Variants in SLC26A8 observed in about 807,000 individuals in gnomAD.
The protein encoded by SLC26A8 is testis anion transporter 1.
Under a neutral mutation model 105.0 loss-of-function variants are expected in SLC26A8, and 70 were observed. That is an observed-to-expected ratio of 0.67 (90% CI 0.55 to 0.81). The LOEUF (loss-of-function observed/expected upper bound fraction) is 0.81. SLC26A8 is among the 40% of genes least tolerant of loss of function. SLC26A8 has a pLI of 0.00. For missense variants in SLC26A8, 998 were observed against 1,181.8 expected (o/e 0.84, Z 2.28); for synonymous variants, 415 against 438.3 (o/e 0.95, Z 0.66).
At chr6:35,996,777 A>G (rs183739736) in intron 5 of SLC26A8, among the ~76,000 whole-genome samples, 7 of 152,246 alleles carry the variant, frequency 4.6e-5, no homozygotes, top group African/African-American at 9.6e-5. Flanking sequence ...GCTCACACCT[A>G]TAATCCCAAC....
At chr6:35,994,698 C>G (rs1157023839) in intron 5 of SLC26A8, among the ~76,000 whole-genome samples, 1 of 151,944 alleles carries the variant, frequency 6.6e-6, no homozygotes, top group Admixed American at 6.6e-5. Flanking sequence ...ACCTCAGCCT[C>G]CCGAGTAGCT....
chr6:36,000,026 A>G lies in SLC26A8; in HGVS notation c.411T>C (p.Tyr137=), dbSNP rs749395872. Residue 137 remains tyrosine (Y), a synonymous_variant, in exon 4 of 20, where the codon TAT becomes TAC. Transcript: ENST00000490799. ...AYAAFCSSVI[Y]VIFGSCHQMS... ...TTTGATGACACGATCCAAAAATTAC[A>G]TAGATTACCGAAGAACAGAAAGCTG... 3.1e-6 allele frequency: 5 copies of G among 1,613,960 alleles called. No individual in the cohort carries two copies. The highest frequency in any genetic ancestry group is 1.3e-5 in the African/African-American group (1 of 74,932).
Position 35,951,505 on chromosome 6 carries a change from G to A in SLC26A8, c.2233-6C>T, listed in dbSNP as rs1771872452. ...TTTTGAAAGGCATTGCATATCTGTG[G>A]GGGGAGAGAAAACCAGTATCAGAAG... On this transcript the variant is annotated splice_region_variant and splice_polypyrimidine_tract_variant and intron_variant, in intron 17 of 19. Coordinates refer to ENST00000490799, the MANE Select transcript of SLC26A8 (RefSeq NM_052961.4). The A allele has an allele frequency of 6.2e-7, 1 of 1,613,922 alleles. No homozygotes were observed. The highest frequency in any genetic ancestry group is 1.3e-5 in the African/African-American group (1 of 74,896).
chr6:36,022,071 G>A (rs759981808), intron 1 of SLC26A8, among the ~76,000 whole-genome samples: 6 of 152,118 alleles, frequency 3.9e-5, no homozygotes, highest in African/African-American at 9.7e-5. Flanking sequence ...AGGTTCAAGC[G>A]ATTCTCCTGC....
chr6:35,955,582 C>A, intron 16 of SLC26A8, 62 bp from the exon 17 acceptor site: 1 of 1,568,874 alleles, frequency 6.4e-7, no homozygotes. Context: ...GAAGGACTTG[C>A]AACGATGCTA....
At chr6:36,024,389 T>A (rs1437116723) in intron 1 of SLC26A8, 115 bp downstream of exon 1, 1 of 446,656 alleles carries the variant, frequency 2.2e-6, no homozygotes, top group Non-Finnish European at 4.5e-6. Context: ...ACTGACTGAG[T>A]GCCCACGGCG....
rs1772672735 is a variant in SLC26A8, at chr6:35,968,957, G to A, written c.1288-3C>T. 6.2e-7 allele frequency: 1 copy of A among 1,611,336 alleles called. No homozygotes were observed. The highest frequency in any genetic ancestry group is 8.5e-7 in the Non-Finnish European group (1 of 1,178,800). ...CCTGCGCCTACCAGAGATGCAAACT[G>A]AGGAGACAGAGCCAGTTGGAGAGAA... On this transcript the variant is annotated splice_region_variant and splice_polypyrimidine_tract_variant and intron_variant, in intron 10 of 19. Coordinates refer to ENST00000490799, the MANE Select transcript of SLC26A8 (RefSeq NM_052961.4).
At chr6:35,983,174 AC>A (rs1453324636) in intron 7 of SLC26A8, among the ~76,000 whole-genome samples, 1 of 152,180 alleles carries the variant, frequency 6.6e-6, no homozygotes, top group Non-Finnish European at 1.5e-5. Flanking sequence ...TCAGATGAAG[AC>A]CCCTAGGAAG....
In SLC26A8 at chr6:35,955,352, C is replaced by T. The variant is rs1772017796; in HGVS notation, c.2032G>A (p.Glu678Lys). The T allele has an allele frequency of 1.9e-6, 3 of 1,614,094 alleles. No homozygotes were observed. The highest frequency in any genetic ancestry group is 2.5e-6 in the Non-Finnish European group (3 of 1,180,050). The change falls in exon 17 of 20, where the codon GAG becomes AAG. Residue 678 changes from glutamate (E) to lysine (K), a missense_variant. By Grantham distance (56) the Glu-to-Lys change is moderately conservative. Transcript: ENST00000490799. ...VSQKNQGQQY[E>K]EVEEVWLPNN... ...GGAAGCCAAACTTCCTCCACCTCCTCATACTGTTGCCCTTGATTTTTCTGA... is the reference window on the plus strand; with the variant it reads ...GGAAGCCAAACTTCCTCCACCTCCTTATACTGTTGCCCTTGATTTTTCTGA...
intron 5 of SLC26A8, among the ~76,000 whole-genome samples, chr6:35,992,929 T>C (rs1309268112): frequency 6.6e-6 from 1 of 152,146 alleles, no homozygotes; most frequent in Non-Finnish European, 1.5e-5. Flanking sequence ...CTTAAGTTCT[T>C]GCCCTAGAAT....
At chr6:36,011,633 G>T (rs1404458217) in intron 3 of SLC26A8, among the ~76,000 whole-genome samples, 1 of 151,968 alleles carries the variant, frequency 6.6e-6, no homozygotes, top group African/African-American at 2.4e-5. Flanking sequence ...TCTGAGACAG[G>T]GTCTTGCTTT....
At chr6:35,974,913 T>C (rs1263511340) in intron 10 of SLC26A8, among the ~76,000 whole-genome samples, 1 of 151,868 alleles carries the variant, frequency 6.6e-6, no homozygotes, top group East Asian at 1.9e-4. Flanking sequence ...ATTGTTTTTT[T>C]TTTTTTCTTT....
chr6:35,956,418 AC>A (rs1562020375), intron 16 of SLC26A8, among the ~76,000 whole-genome samples: 2 of 126,542 alleles, frequency 1.6e-5, no homozygotes, highest in African/African-American at 6.1e-5. Flanking sequence ...ACAGAGCAAG[AC>A]CTTATGTCCA....
At chr6:35,971,850 C>G (rs1241967298) in intron 10 of SLC26A8, among the ~76,000 whole-genome samples, 2 of 152,202 alleles carry the variant, frequency 1.3e-5, no homozygotes, top group East Asian at 3.9e-4. Flanking sequence ...AAGGCAGGTC[C>G]TTAGAAAGCA....
chr6:36,011,996 A>G (rs1458141870), intron 3 of SLC26A8, among the ~76,000 whole-genome samples: 2 of 152,230 alleles, frequency 1.3e-5, no homozygotes. Flanking sequence ...AAAAAATAAC[A>G]AAGAGTGGGT....
In SLC26A8 at chr6:35,944,194, A is replaced by C. The variant is rs1581616210; in HGVS notation, c.2619T>G (p.Gly873=). ...ELESEQEAGL[G]LDLDLDRELE... is the part of the protein sequence containing the mutation. ...GCTCCCGATCCAGGTCTAGGTCCAG[A>C]CCCAGCCCAGCCTCTTGTTCTGATT... The change falls in exon 20 of 20, where the codon GGT becomes GGG. Residue 873 remains glycine, a synonymous_variant. Transcript: ENST00000490799. The C allele has an allele frequency of 2.5e-6, 4 of 1,613,658 alleles. No homozygotes were observed. Among genetic ancestry groups the C allele is most frequent in the Non-Finnish European group, 3.4e-6 (4 of 1,179,922 alleles).
At chr6:35,954,062 G>C (rs998223440) in intron 17 of SLC26A8, among the ~76,000 whole-genome samples, 5 of 152,170 alleles carry the variant, frequency 3.3e-5, no homozygotes, top group African/African-American at 1.2e-4. Context: ...CCATCACCAA[G>C]AGGGAGACAG....
chr6:35,952,571 A>G lies in SLC26A8; in HGVS notation c.2233-1072T>C, dbSNP rs573103506. On this transcript the variant is annotated intron_variant, in intron 17 of 19. Coordinates refer to ENST00000490799, the MANE Select transcript of SLC26A8 (RefSeq NM_052961.4). ...AACGAACTCTGCTTCTTTCACTACC[A>G]AGAGGAAATGAAGTCATTCTTGATC... 3.9e-5 allele frequency among the ~76,000 whole-genome samples: 6 copies of G among 152,310 alleles called. No individual in the cohort carries two copies. In the East Asian group the frequency reaches 7.7e-4, roughly 20 times the overall value.
rs78387293 is a variant in SLC26A8, at chr6:36,011,611, T to G, written c.328+622A>C. 9.0e-3 allele frequency among the ~76,000 whole-genome samples: 1,367 copies of G among 152,146 alleles called. 13 individuals carry two copies. The highest frequency in any genetic ancestry group is 0.013 in the Non-Finnish European group (901 of 67,958). ...CATGCTATGTTTCCTATCCTTCACC[T>G]TTTTTTTCTTTTCTGAGACAGGGTC... On this transcript the variant is annotated intron_variant, in intron 3 of 19. Transcript: ENST00000490799.
Sources: gnomAD v4.1 joint callset for allele counts (sites outside exome capture counted in the v4.1 genomes callset) on GRCh38, gnomAD v4.1.1 for gene constraint, MANE v1.5 for transcripts, NCBI Gene and HGNC (gene_info 2026-07-23, HGNC 2026-07-21) for gene names.